Variants in ANKRD10 observed in about 807,000 individuals in gnomAD.
The protein encoded by ANKRD10 is ankyrin repeat domain-containing protein 10.
Under a neutral mutation model 27.0 loss-of-function variants are expected in ANKRD10, and 14 were observed. That is an observed-to-expected ratio of 0.52 (90% CI 0.34 to 0.81). ANKRD10 has a LOEUF of 0.81. ANKRD10 is among the 40% of genes least tolerant of loss of function. The pLI is 0.01. For synonymous variants in ANKRD10, 250 were observed against 224.5 expected, an observed-to-expected ratio of 1.11 and a Z score of -1.01; for missense variants, 493 against 544.0, an observed-to-expected ratio of 0.91 and a Z score of 0.93.
intron 2 of ANKRD10, among the ~76,000 whole-genome samples, 160 bp downstream of exon 2, chr13:110,910,457 AC>A (rs1224638684): frequency 1.3e-5 from 2 of 152,244 alleles, no homozygotes; most frequent in African/African-American, 4.8e-5. Context: ...GAAAGGGCCT[AC>A]TATCCTCCAC....
chr13:110,886,685 T>TG (rs1183605369), intron 4 of ANKRD10, among the ~76,000 whole-genome samples: 1 of 152,230 alleles, frequency 6.6e-6, no homozygotes, highest in Non-Finnish European at 1.5e-5. Context: ...CCCCCACACC[T>TG]GTTGCCATTG....
chr13:110,906,024 G>T lies in ANKRD10; in HGVS notation c.455+9C>A. The T allele has an allele frequency of 6.3e-7, 1 of 1,583,374 alleles. No individual in the cohort carries two copies. The highest frequency in any genetic ancestry group is 1.7e-4 in the Middle Eastern group (1 of 6,026). On this transcript the variant is annotated intron_variant, in intron 3 of 5. Coordinates refer to ENST00000267339, the MANE Select transcript of ANKRD10 (RefSeq NM_017664.4). ...CTTTAGCTGGAAAGAATAAACGAAA[G>T]ACACTTACTCGACGTGAGCCCCATT...
chr13:110,900,283 ATTTT>A (rs2065347917), intron 3 of ANKRD10, among the ~76,000 whole-genome samples: 1 of 152,200 alleles, frequency 6.6e-6, no homozygotes, highest in Non-Finnish European at 1.5e-5. Context: ...CTGAAGTATA[ATTTT>A]TAGAATCCGA....
intron 3 of ANKRD10, chr13:110,900,634 T>A: frequency 7.4e-7 from 1 of 1,352,100 alleles, no homozygotes; most frequent in Non-Finnish European, 9.8e-7. Context: ...GCAGTTTCTA[T>A]ATGGAATGCT....
At chr13:110,892,664 CAAG>C (rs2065112285) in intron 4 of ANKRD10, 2 of 845,240 alleles carry the variant, frequency 2.4e-6, no homozygotes, top group Non-Finnish European at 2.7e-6. Flanking sequence ...GGAACATTTA[CAAG>C]AAGCAAATTA....
intron 1 of ANKRD10, among the ~76,000 whole-genome samples, chr13:110,912,093 A>T (rs1228695969): frequency 2.6e-5 from 4 of 152,222 alleles, no homozygotes. Context: ...TAGCGCATTC[A>T]ACAAATTTAC....
chr13:110,912,278 T>G (rs1447570584), intron 1 of ANKRD10, among the ~76,000 whole-genome samples: 2 of 152,202 alleles, frequency 1.3e-5, no homozygotes, highest in Non-Finnish European at 2.9e-5. Context: ...CACTACCATC[T>G]CAACTCAAGG....
intron 2 of ANKRD10, among the ~76,000 whole-genome samples, chr13:110,907,405 A>G (rs1392491818): frequency 6.6e-6 from 1 of 152,214 alleles, no homozygotes; most frequent in Non-Finnish European, 1.5e-5. Flanking sequence ...GAGTGCAGCA[A>G]CTGTGGGTCA....
At chr13:110,899,197 G>C (rs1033595702) in intron 3 of ANKRD10, 1 of 151,948 alleles carries the variant, frequency 6.6e-6, no homozygotes. Flanking sequence ...TCCGGACTGT[G>C]TTTACACACT....
chr13:110,882,938 T>C (rs1336388679), intron 5 of ANKRD10, among the ~76,000 whole-genome samples: 5 of 152,266 alleles, frequency 3.3e-5, no homozygotes, highest in African/African-American at 7.2e-5. Flanking sequence ...AAAAATGTTT[T>C]TGTAGTCACC....
At chr13:110,894,042 C>G (rs2065152771) in intron 3 of ANKRD10, 1 of 1,159,298 alleles carries the variant, frequency 8.6e-7, no homozygotes, top group Non-Finnish European at 1.3e-6. Flanking sequence ...AACTCAGATT[C>G]AAGTAGGAAG....
chr13:110,885,770 C>T (rs1218258076), intron 4 of ANKRD10, among the ~76,000 whole-genome samples: 3 of 152,108 alleles, frequency 2.0e-5, no homozygotes, highest in Admixed American at 6.5e-5. Context: ...AAAGAGTGGA[C>T]TTTGATGGGA....
Position 110,883,647 on chromosome 13 carries a change from C to T in ANKRD10, c.787+51G>A, listed in dbSNP as rs1566446789. On this transcript the variant is annotated intron_variant, in intron 5 of 5. Coordinates refer to ENST00000267339, the MANE Select transcript of ANKRD10 (RefSeq NM_017664.4). ...GAACCACTCTCCTGCTGTTTGGTGT[C>T]TTCAACCATTGGATTGTTGTTGCAG... is the stretch of plus-strand genomic sequence containing the variant. 6 of 1,607,398 alleles carry T rather than the reference C, an allele frequency of 3.7e-6. No homozygotes were observed. In the South Asian group the frequency reaches 6.6e-5, roughly 18 times the overall value.
At chr13:110,895,865 T>G (rs1471402292) in intron 3 of ANKRD10, among the ~76,000 whole-genome samples, 1 of 152,192 alleles carries the variant, frequency 6.6e-6, no homozygotes, top group Non-Finnish European at 1.5e-5. Flanking sequence ...TAGGTAGCAC[T>G]GGTAAGCTCT....
intron 4 of ANKRD10, among the ~76,000 whole-genome samples, chr13:110,884,840 A>G (rs1281537119): frequency 6.6e-6 from 1 of 152,240 alleles, no homozygotes; most frequent in African/African-American, 2.4e-5. Context: ...TCCTTCATAT[A>G]AACATTTAAA....
At chr13:110,910,251 A>C (rs2065656994) in intron 2 of ANKRD10, among the ~76,000 whole-genome samples, 1 of 152,234 alleles carries the variant, frequency 6.6e-6, no homozygotes, top group Non-Finnish European at 1.5e-5. Context: ...CTTAATAGCC[A>C]TGCTTTTCCC....
At chr13:110,905,859 GATCAATTTA>G (rs1351161764) in intron 3 of ANKRD10, among the ~76,000 whole-genome samples, 165 bp downstream of exon 3, 2 of 152,140 alleles carry the variant, frequency 1.3e-5, no homozygotes, top group Non-Finnish European at 2.9e-5. Context: ...CTCCTCTAGA[GATCAATTTA>G]ATCCACACAA....
At chr13:110,888,977 A>G (rs916682333) in intron 4 of ANKRD10, among the ~76,000 whole-genome samples, 4 of 152,164 alleles carry the variant, frequency 2.6e-5, no homozygotes, top group Non-Finnish European at 4.4e-5. Flanking sequence ...GTCAGTTTTT[A>G]AACTCACTGT....
At chr13:110,904,618 TTA>T (rs1491407035) in intron 3 of ANKRD10, among the ~76,000 whole-genome samples, 35 of 152,244 alleles carry the variant, frequency 2.3e-4, no homozygotes, top group African/African-American at 8.4e-4. Flanking sequence ...GTTATAAAAA[TTA>T]GAGTTTTAAA....
Sources: gnomAD v4.1 joint callset for allele counts (sites outside exome capture counted in the v4.1 genomes callset) on GRCh38, gnomAD v4.1.1 for gene constraint, MANE v1.5 for transcripts, NCBI Gene and HGNC (gene_info 2026-07-23, HGNC 2026-07-21) for gene names.